TFEC: variants seen among roughly 807,000 people sequenced by gnomAD.
TFEC encodes the protein class E basic helix-loop-helix protein 34.
A neutral mutation model predicts 41.6 loss-of-function variants in TFEC; 31 were observed. The observed-to-expected ratio is 0.74, with a 90% confidence interval of 0.56 to 1.01. TFEC has a LOEUF of 1.01. TFEC is among the 50% of genes least tolerant of loss of function. TFEC has a pLI of 0.00. For synonymous variants in TFEC, 143 were observed against 140.6 expected, an observed-to-expected ratio of 1.02 and a Z score of -0.12; for missense variants, 402 against 404.1, an observed-to-expected ratio of 0.99 and a Z score of 0.04.
At chr7:116,032,318 A>C (rs1795804622), upstream of TFEC, among the ~76,000 whole-genome samples, 1 of 152,134 alleles carries the variant, frequency 6.6e-6, no homozygotes, top group African/African-American at 2.4e-5. Flanking sequence ...TCAACCTGGC[A>C]ATCCCATTAC....
rs754918944 is a variant in TFEC, at chr7:116,112,123, A to G, written c.-68-85T>C. 74 of 681,326 alleles carry G rather than the reference A, an allele frequency of 1.1e-4. 1 individual carries two copies. In the Admixed American group the frequency reaches 2.2e-3, roughly 20 times the overall value. The allele number at this position is 681,326 out of a possible 1,614,324, so 42.2% of individuals were successfully genotyped here. A position where few individuals can be genotyped will look rare whatever the true frequency, so the allele number is the denominator to read the frequency against. On this transcript the variant is annotated intron_variant, in intron 1 of 8. Transcript: ENST00000484212. ...TTTGATTCATACGTTGTACATTATT[A>G]TAAGGCAAAAACATACATTGGATGT...
In TFEC at chr7:115,940,351, C is replaced by CT. The variant is rs1793424695; in HGVS notation, c.*199dup. The CT allele has an allele frequency of 9.2e-6, 5 of 541,274 alleles. No homozygotes were observed. The highest frequency in any genetic ancestry group is 3.7e-5 in the Admixed American group (1 of 27,100). 33.5% of individuals were successfully genotyped at this position (541,274 alleles called of 1,614,324 possible). A position where few individuals can be genotyped will look rare whatever the true frequency, so the allele number is the denominator to read the frequency against. ...ACTCCGTAGTCAAAGAAGAAAACAC[C>CT]TTTTTTTCGCCCTCAATAATTCATT... On this transcript the variant is annotated 3_prime_UTR_variant, in exon 8 of 8. Coordinates refer to ENST00000265440, the MANE Select transcript of TFEC (RefSeq NM_012252.4).
chr7:116,043,584 T>C lies in TFEC; in HGVS notation c.199-59071A>G, dbSNP rs1409717752. On this transcript the variant is annotated intron_variant, in intron 3 of 8. Coordinates refer to the TFEC transcript ENST00000484212. ...GCTATGATCAAATTTGAAATATTTA[T>C]TTACATTTATCAAAATATGTTAACT... Among the ~76,000 whole-genome samples, 4 of 152,198 alleles carry C rather than the reference T, an allele frequency of 2.6e-5. No homozygotes were observed. The East Asian group carries it at 7.7e-4, about 29-fold the overall frequency.
At chr7:116,013,520 G>A (rs775486231) in intron 1 of TFEC, among the ~76,000 whole-genome samples, 3 of 152,060 alleles carry the variant, frequency 2.0e-5, no homozygotes, top group Non-Finnish European at 4.4e-5. Flanking sequence ...ACAGTCATGA[G>A]GTGAGCATTC....
chr7:116,067,858 C>T (rs1252801744), intron 3 of TFEC, among the ~76,000 whole-genome samples: 1 of 151,760 alleles, frequency 6.6e-6, no homozygotes, highest in Non-Finnish European at 1.5e-5. Flanking sequence ...GAATTAAATT[C>T]CTTGATGGAA....
At chr7:116,077,690 T>C (rs112181529) in intron 3 of TFEC, among the ~76,000 whole-genome samples, 3,322 of 152,206 alleles carry the variant, frequency 0.022, 121 homozygotes, top group African/African-American at 0.075. Context: ...AGGGACATTA[T>C]ATAGTGATAA....
rs1366816520 is a variant in TFEC, at chr7:115,974,238, C to G, written c.199G>C (p.Asp67His). 13 of 1,592,570 alleles carry G rather than the reference C, an allele frequency of 8.2e-6. No homozygotes were observed. The highest frequency in any genetic ancestry group is 1.4e-5 in the African/African-American group (1 of 73,538). Residue 67 changes from aspartate (D) to histidine (H), a missense_variant, in exon 3 of 8, where the codon GAT (aspartate) becomes CAT (histidine). Asp to His is a moderately conservative substitution (Grantham distance 81, BLOSUM62 -1). Coordinates refer to ENST00000265440, the MANE Select transcript of TFEC (RefSeq NM_012252.4). ...AQWHMEDVIE[D>H]IIGMESSFKE... ...AAACTTGATTCCATACCGATTATAT[C>G]CTCAATAACGTCCTCCATCTAGCAA...
chr7:116,011,775 T>G (rs917585091), intron 1 of TFEC, among the ~76,000 whole-genome samples: 11 of 152,130 alleles, frequency 7.2e-5, no homozygotes, highest in Admixed American at 7.2e-4. Flanking sequence ...CTTGGTGCTA[T>G]TCTCACGATA....
chr7:116,068,948 T>G (rs1479733921), intron 3 of TFEC, among the ~76,000 whole-genome samples: 1 of 151,610 alleles, frequency 6.6e-6, no homozygotes, highest in Non-Finnish European at 1.5e-5. Context: ...CTTGATGAAA[T>G]AATAGAAATG....
At chr7:116,110,246 C>CCTA (rs1186858876) in intron 3 of TFEC, among the ~76,000 whole-genome samples, 4 of 151,948 alleles carry the variant, frequency 2.6e-5, no homozygotes, top group Admixed American at 2.6e-4. Context: ...AACAGTCCTT[C>CCTA]CTACACACTA....
chr7:115,975,067 A>C (rs1346330478), intron 2 of TFEC, among the ~76,000 whole-genome samples: 1 of 152,108 alleles, frequency 6.6e-6, no homozygotes, highest in Admixed American at 6.6e-5. Context: ...TGGAGGAAGG[A>C]CTGACATCCT....
chr7:115,982,628 T>C (rs992401782), intron 2 of TFEC, among the ~76,000 whole-genome samples: 4 of 152,298 alleles, frequency 2.6e-5, no homozygotes, highest in Admixed American at 2.6e-4. Flanking sequence ...TTTGTATACA[T>C]AATTTAAAAT....
intron 1 of TFEC, among the ~76,000 whole-genome samples, chr7:116,014,890 G>C (rs1336473305): frequency 6.6e-6 from 1 of 151,998 alleles, no homozygotes; most frequent in African/African-American, 2.4e-5. Flanking sequence ...GCTGGAAAAC[G>C]CAGGCAAGCA....
chr7:116,145,078 T>A (rs554952366), intron 1 of TFEC, among the ~76,000 whole-genome samples: 146 of 152,320 alleles, frequency 9.6e-4, no homozygotes, highest in Non-Finnish European at 1.6e-3. Context: ...TAAAACTGTA[T>A]TCTATAACAA....
rs1174551479 is a variant in TFEC at position 115,938,676 on chromosome 7, C to G, written c.*1875G>C. 6.6e-6 allele frequency: 1 copy of G among 151,788 alleles called. No individual in the cohort carries two copies. The highest frequency in any genetic ancestry group is 2.4e-5 in the African/African-American group (1 of 41,372). 9.4% of individuals were successfully genotyped at this position (151,788 alleles called of 1,614,324 possible). On this transcript the variant is annotated 3_prime_UTR_variant, in exon 8 of 8. Transcript: ENST00000265440. ...TCACATTTCATAGTGACATATTTTC[C>G]ATGTGAGAAGCAACTAAAAGATCCT...
intron 4 of TFEC, 45 bp from the exon 5 acceptor site, chr7:115,954,687 A>G (rs758167391): frequency 2.0e-6 from 3 of 1,485,284 alleles, no homozygotes; most frequent in Non-Finnish European, 2.8e-6. Context: ...GTTCTACCTT[A>G]AAACCCCTCC....
intron 3 of TFEC, among the ~76,000 whole-genome samples, chr7:116,040,352 C>A (rs953906311): frequency 6.6e-6 from 1 of 152,030 alleles, no homozygotes; most frequent in Non-Finnish European, 1.5e-5. Context: ...ACATATATAA[C>A]TAGAAAGTGA....
chr7:116,056,708 G>A (rs747944249), intron 3 of TFEC, among the ~76,000 whole-genome samples: 1 of 152,030 alleles, frequency 6.6e-6, no homozygotes, highest in Non-Finnish European at 1.5e-5. Flanking sequence ...TAACTAAATT[G>A]TGTCCCAGAA....
Position 116,118,257 on chromosome 7 carries a change from T to C in TFEC, c.-68-6219A>G, listed in dbSNP as rs150047778. 6.0e-3 allele frequency among the ~76,000 whole-genome samples: 914 copies of C among 151,966 alleles called. 2 individuals are homozygous for C. Among genetic ancestry groups the C allele is most frequent in the Non-Finnish European group, 9.1e-3 (616 of 67,850 alleles). Reference sequence around the variant, plus strand: ...GGTCAGTCTAACAAAGAAAAACCGTTTTCAACATTTAGAAAACACTAAAAC... The same window carrying C: ...GGTCAGTCTAACAAAGAAAAACCGTCTTCAACATTTAGAAAACACTAAAAC... On this transcript the variant is annotated intron_variant, in intron 1 of 8. Coordinates refer to the TFEC transcript ENST00000484212.
Sources: allele counts gnomAD v4.1 joint callset (sites outside exome capture counted in the v4.1 genomes callset), GRCh38; gene constraint gnomAD v4.1.1; transcripts MANE v1.5; gene names NCBI Gene and HGNC (gene_info 2026-07-23, HGNC 2026-07-21).